Variants in STPG2 observed in about 807,000 individuals in gnomAD.
STPG2 encodes sperm-tail PG-rich repeat-containing protein 2.
Under a neutral mutation model 54.2 loss-of-function variants are expected in STPG2, and 56 were observed. The ratio of observed to expected loss-of-function variants is 1.03; its 90% CI spans 0.83 to 1.29. The LOEUF (loss-of-function observed/expected upper bound fraction) is 1.29. Among genes scored for constraint, STPG2 ranks in the 50% most tolerant of loss-of-function variants. The pLI, the probability that STPG2 is intolerant of heterozygous loss-of-function variation, is 0.00. For missense variants in STPG2, 596 were observed against 544.9 expected, an observed-to-expected ratio of 1.09 and a Z score of -0.93; for synonymous variants, 200 against 181.8, an observed-to-expected ratio of 1.10 and a Z score of -0.81.
At chr4:97,704,272 T>C (rs1723876550) in intron 10 of STPG2, among the ~76,000 whole-genome samples, 1 of 152,162 alleles carries the variant, frequency 6.6e-6, no homozygotes, top group African/African-American at 2.4e-5. Context: ...ATCCATAACA[T>C]ATAATTATCC....
intron 8 of STPG2, among the ~76,000 whole-genome samples, chr4:97,847,406 G>A (rs1728987640): frequency 6.6e-6 from 1 of 152,038 alleles, no homozygotes; most frequent in Admixed American, 6.6e-5. Flanking sequence ...TAAAATTATA[G>A]TATTAATTGT....
At chr4:97,556,659 T>C (rs934502895), downstream of STPG2, among the ~76,000 whole-genome samples, 1 of 152,140 alleles carries the variant, frequency 6.6e-6, no homozygotes, top group African/African-American at 2.4e-5. Context: ...AAGATTTTAC[T>C]GCATTAAACT....
At chr4:98,070,764 T>C (rs866681071) in intron 5 of STPG2, among the ~76,000 whole-genome samples, 1 of 151,792 alleles carries the variant, frequency 6.6e-6, no homozygotes, top group Non-Finnish European at 1.5e-5. Context: ...CCAATCACAA[T>C]TGCTACAAAA....
chr4:97,704,176 A>C (rs547117065), intron 10 of STPG2, among the ~76,000 whole-genome samples: 1 of 152,180 alleles, frequency 6.6e-6, no homozygotes, highest in South Asian at 2.1e-4. Context: ...CAGTATTTTG[A>C]ATACTCTGTA....
At chr4:97,728,270 T>C (rs1724682931) in intron 9 of STPG2, among the ~76,000 whole-genome samples, 1 of 152,120 alleles carries the variant, frequency 6.6e-6, no homozygotes, top group South Asian at 2.1e-4. Flanking sequence ...ACATGTATGA[T>C]AGAATTACAC....
At chr4:97,672,875 C>T (rs1722741620) in intron 10 of STPG2, among the ~76,000 whole-genome samples, 1 of 152,194 alleles carries the variant, frequency 6.6e-6, no homozygotes, top group African/African-American at 2.4e-5. Context: ...CAGTTGGAGG[C>T]TTCTTGTTAC....
At chr4:97,871,479 T>C (rs1729988481) in intron 8 of STPG2, among the ~76,000 whole-genome samples, 2 of 151,084 alleles carry the variant, frequency 1.3e-5, no homozygotes. Flanking sequence ...AAATAATTAT[T>C]GAATCAGAAG....
At chr4:97,489,989 C>T (rs1305712859) in intron 4 of STPG2, 1 of 151,314 alleles carries the variant, frequency 6.6e-6, no homozygotes, top group East Asian at 1.9e-4. Flanking sequence ...CAATGTCTGT[C>T]TTTTAGATGG....
chr4:98,085,554 T>C (rs1738479675), intron 5 of STPG2, among the ~76,000 whole-genome samples: 1 of 152,068 alleles, frequency 6.6e-6, no homozygotes, highest in Non-Finnish European at 1.5e-5. Flanking sequence ...TTTAGATCTT[T>C]TCAGAATCCT....
At chr4:98,074,236 C>T (rs894433916) in intron 5 of STPG2, among the ~76,000 whole-genome samples, 8 of 152,292 alleles carry the variant, frequency 5.3e-5, no homozygotes, top group East Asian at 1.9e-4. Context: ...CTGGTTTCAT[C>T]GCTTTAATAA....
At chr4:97,899,392 A>G (rs1367111247) in intron 8 of STPG2, among the ~76,000 whole-genome samples, 1 of 152,056 alleles carries the variant, frequency 6.6e-6, no homozygotes, top group Non-Finnish European at 1.5e-5. Context: ...AAATGGCCAT[A>G]CTGCCCAAAG....
intron 10 of STPG2, among the ~76,000 whole-genome samples, chr4:97,652,957 C>T (rs774013174): frequency 1.3e-5 from 2 of 151,886 alleles, no homozygotes; most frequent in Non-Finnish European, 2.9e-5. Context: ...GCAGTGATTC[C>T]TCATATACCT....
At chr4:97,923,420 G>A (rs762188813) in intron 8 of STPG2, among the ~76,000 whole-genome samples, 22 of 152,208 alleles carry the variant, frequency 1.4e-4, no homozygotes, top group Admixed American at 2.0e-4. Flanking sequence ...CACAGCGCAG[G>A]ACTGGCAGGC....
intron 4 of STPG2, among the ~76,000 whole-genome samples, chr4:97,535,760 C>A (rs1401439176): frequency 1.3e-5 from 2 of 151,948 alleles, no homozygotes; most frequent in African/African-American, 4.8e-5. Flanking sequence ...CTTCTTGGGT[C>A]TATGCACTTA....
At chr4:97,819,443 C>A (rs1373054844) in intron 9 of STPG2, among the ~76,000 whole-genome samples, 1 of 151,978 alleles carries the variant, frequency 6.6e-6, no homozygotes, top group Non-Finnish European at 1.5e-5. Context: ...ATAAATTATA[C>A]CTGTTTCCTA....
intron 8 of STPG2, among the ~76,000 whole-genome samples, chr4:97,894,605 T>G (rs1240894835): frequency 6.6e-6 from 1 of 151,934 alleles, no homozygotes; most frequent in Non-Finnish European, 1.5e-5. Flanking sequence ...TACTCAATCT[T>G]AACCATGCTC....
chr4:98,075,017 G>A (rs931649472), intron 5 of STPG2, among the ~76,000 whole-genome samples: 2 of 152,176 alleles, frequency 1.3e-5, no homozygotes, highest in Non-Finnish European at 2.9e-5. Flanking sequence ...TTAAATAGGG[G>A]CAGAACATCT....
intron 5 of STPG2, among the ~76,000 whole-genome samples, chr4:98,008,977 C>G (rs1309619400): frequency 1.3e-5 from 2 of 151,936 alleles, no homozygotes; most frequent in Non-Finnish European, 2.9e-5. Flanking sequence ...TCTATGGTAT[C>G]AGTTATAGTG....
chr4:97,960,615 A>G lies in STPG2; in HGVS notation c.933+11665T>C, dbSNP rs140014338. The stretch of plus-strand genomic sequence containing the variant: ...TTTTACAATAGCTTCAAGAAAAATA[A>G]AATACTTAGGAATATACCTAACCAA... On this transcript the variant is annotated intron_variant, in intron 7 of 10. Transcript: ENST00000295268. Among the ~76,000 whole-genome samples the G allele has an allele frequency of 4.2e-3, 643 of 152,270 alleles. 3 individuals carry two copies. Among genetic ancestry groups the G allele is most frequent in the South Asian group, 0.024 (117 of 4,830 alleles).
Sources: allele counts gnomAD v4.1 joint callset (sites outside exome capture counted in the v4.1 genomes callset), GRCh38; gene constraint gnomAD v4.1.1; transcripts MANE v1.5; gene names NCBI Gene and HGNC (gene_info 2026-07-23, HGNC 2026-07-21).